Variants in ALDH1A2 observed in about 807,000 individuals in gnomAD.
ALDH1A2 encodes retinal dehydrogenase 2.
A neutral mutation model predicts 60.3 loss-of-function variants in ALDH1A2; 27 were observed. The ratio of observed to expected loss-of-function variants is 0.45; its 90% CI spans 0.33 to 0.62. The LOEUF is 0.62. ALDH1A2 is among the 20% of genes least tolerant of loss of function. ALDH1A2 has a pLI of 0.02. For synonymous variants in ALDH1A2, 289 were observed against 232.4 expected (o/e 1.24, Z -2.21); for missense variants, 581 against 643.8 (o/e 0.90, Z 1.06).
chr15:58,036,212 G>C (rs187573556), intron 1 of ALDH1A2, among the ~76,000 whole-genome samples: 1 of 151,554 alleles, frequency 6.6e-6, no homozygotes, highest in Admixed American at 6.6e-5. Flanking sequence ...TACAAATTTA[G>C]CACAAAGTCC....
At chr15:57,990,931 A>T (rs1008831729) in intron 7 of ALDH1A2, among the ~76,000 whole-genome samples, 45 of 151,826 alleles carry the variant, frequency 3.0e-4, no homozygotes, top group Non-Finnish European at 5.7e-4. Flanking sequence ...CTCAATCAGG[A>T]CCATTGGTTG....
intron 7 of ALDH1A2, among the ~76,000 whole-genome samples, chr15:57,989,191 ACATTAAATGCTAGAAGT>A (rs1292557305): frequency 9.2e-5 from 14 of 152,224 alleles, no homozygotes; most frequent in African/African-American, 3.4e-4. Context: ...TTGGAAGAAA[ACATTAAATGCTAGAAGT>A]TAATTTATCA....
Position 58,014,138 on chromosome 15 carries a change from G to A in ALDH1A2, c.222+39C>T, listed in dbSNP as rs571312095. On this transcript the variant is annotated intron_variant, in intron 2 of 12. Transcript: ENST00000249750. ...TTTGCTGCTCTGCTGTTTGAAGGCA[G>A]TTATTTCATAGGAAATCTTTTATCT... 129 of 1,614,102 alleles carry A rather than the reference G, an allele frequency of 8.0e-5. 1 individual carries two copies. In the South Asian group the frequency reaches 1.4e-3, roughly 17 times the overall value.
intron 7 of ALDH1A2, among the ~76,000 whole-genome samples, chr15:57,974,054 CCT>C (rs1371023847): frequency 6.6e-6 from 1 of 152,012 alleles, no homozygotes; most frequent in East Asian, 1.9e-4. Context: ...TAAAAAAATT[CCT>C]GTTGTTATAA....
In ALDH1A2 at chr15:58,037,536, A is replaced by C. The variant is rs548508397; in HGVS notation, c.118-23255T>G. ...TTTTTCATCATGAAAGTATTGTTAG[A>C]AAAACCATTAAAGCAAGACCAGCCT... On this transcript the variant is annotated intron_variant, in intron 1 of 12. Transcript: ENST00000249750. 2.6e-5 allele frequency among the ~76,000 whole-genome samples: 4 copies of C among 151,780 alleles called. No homozygotes were observed. In the South Asian group the frequency reaches 8.3e-4, roughly 32 times the overall value.
intron 7 of ALDH1A2, among the ~76,000 whole-genome samples, chr15:57,989,003 C>G (rs1894805215): frequency 8.3e-6 from 1 of 120,564 alleles, no homozygotes; most frequent in South Asian, 2.3e-4. Context: ...CCCATCTCTA[C>G]TTAAGATAAA....
At chr15:58,021,709 G>C (rs569750566) in intron 1 of ALDH1A2, among the ~76,000 whole-genome samples, 34 of 152,380 alleles carry the variant, frequency 2.2e-4, no homozygotes, top group Admixed American at 2.6e-4. Context: ...GCAGTTCCAG[G>C]ACTGAGGCAT....
At chr15:58,051,404 A>C (rs533207198) in intron 1 of ALDH1A2, among the ~76,000 whole-genome samples, 1 of 152,242 alleles carries the variant, frequency 6.6e-6, no homozygotes, top group Non-Finnish European at 1.5e-5. Context: ...CAGAAAAGAA[A>C]AAAAGAGGAA....
chr15:57,983,265 T>C (rs545706827), intron 7 of ALDH1A2, among the ~76,000 whole-genome samples: 1 of 152,328 alleles, frequency 6.6e-6, no homozygotes, highest in South Asian at 2.1e-4. Context: ...TAGGAAATGA[T>C]GTTGAGAATA....
In ALDH1A2 at chr15:58,015,674, C is replaced by T. The variant is rs1242784082; in HGVS notation, c.118-1393G>A. ...GTTTATTTAGTACTTACAATAACCC[C>T]GTGAAGCAGGGTTTTCTCTCTATTA... On this transcript the variant is annotated intron_variant, in intron 1 of 12. Transcript: ENST00000249750. Among the ~76,000 whole-genome samples, 7 of 152,212 alleles carry T rather than the reference C, an allele frequency of 4.6e-5. No homozygotes were observed. In the East Asian group the frequency reaches 1.2e-3, roughly 25 times the overall value.
intron 7 of ALDH1A2, among the ~76,000 whole-genome samples, chr15:57,990,867 C>T (rs1335315433): frequency 2.6e-5 from 3 of 117,532 alleles, no homozygotes; most frequent in Non-Finnish European, 5.6e-5. Flanking sequence ...AAGAGTGAAA[C>T]TCCATCTCAA....
At chr15:58,006,262 G>T (rs1398705684) in intron 4 of ALDH1A2, among the ~76,000 whole-genome samples, 11 of 151,912 alleles carry the variant, frequency 7.2e-5, no homozygotes, top group African/African-American at 2.2e-4. Context: ...GAGAATATAA[G>T]ATATTTGGTT....
intron 7 of ALDH1A2, among the ~76,000 whole-genome samples, chr15:57,966,914 T>C (rs957671292): frequency 6.6e-6 from 1 of 152,224 alleles, no homozygotes; most frequent in Non-Finnish European, 1.5e-5. Context: ...GGAGAGCACA[T>C]ATCACTTTAT....
chr15:58,024,909 G>A (rs1896035768), intron 1 of ALDH1A2, among the ~76,000 whole-genome samples: 1 of 151,938 alleles, frequency 6.6e-6, no homozygotes, highest in African/African-American at 2.4e-5. Context: ...ACAAATACAT[G>A]GAAATTAAAC....
chr15:58,007,679 A>G (rs1194912394), intron 4 of ALDH1A2, among the ~76,000 whole-genome samples: 1 of 152,006 alleles, frequency 6.6e-6, no homozygotes, highest in East Asian at 1.9e-4. Context: ...TATAAAGTAC[A>G]TTATTTCTTT....
chr15:58,038,759 G>A (rs774664748), intron 1 of ALDH1A2, among the ~76,000 whole-genome samples: 3 of 151,756 alleles, frequency 2.0e-5, no homozygotes, highest in Admixed American at 6.6e-5. Context: ...ATTGCTACTG[G>A]TAATGGTTAA....
Position 57,955,064 on chromosome 15 carries a change from G to T in ALDH1A2, c.*133C>A, listed in dbSNP as rs1893471684. The T allele has an allele frequency of 2.0e-6, 2 of 1,013,212 alleles. No homozygotes were observed. The highest frequency in any genetic ancestry group is 1.6e-6 in the Non-Finnish European group (1 of 635,644). 62.8% of individuals were successfully genotyped at this position (1,013,212 alleles called of 1,614,324 possible). On this transcript the variant is annotated 3_prime_UTR_variant, in exon 13 of 13. Transcript: ENST00000249750. ...GCTTTAGTTGTGCAGTGACCTGCCTGGCCTACATGTTATCTTTTCAATCTT... is the reference window on the plus strand; with the variant it reads ...GCTTTAGTTGTGCAGTGACCTGCCTTGCCTACATGTTATCTTTTCAATCTT...
intron 7 of ALDH1A2, among the ~76,000 whole-genome samples, chr15:57,973,508 G>C (rs113093126): frequency 6.6e-6 from 1 of 152,160 alleles, no homozygotes; most frequent in Non-Finnish European, 1.5e-5. Context: ...CACTCTGGAA[G>C]AATCTATACA....
intron 7 of ALDH1A2, among the ~76,000 whole-genome samples, chr15:57,991,942 T>C (rs1326811238): frequency 1.3e-5 from 2 of 152,186 alleles, no homozygotes; most frequent in African/African-American, 2.4e-5. Flanking sequence ...TTAAGCTGAC[T>C]TGTGACTCTG....
Sources: gnomAD v4.1 joint callset for allele counts (sites outside exome capture counted in the v4.1 genomes callset) on GRCh38, gnomAD v4.1.1 for gene constraint, MANE v1.5 for transcripts, NCBI Gene and HGNC (gene_info 2026-07-23, HGNC 2026-07-21) for gene names.